TERF1: variants seen among roughly 807,000 people sequenced by gnomAD.
The protein encoded by TERF1 is telomeric repeat-binding factor 1.
Under a neutral mutation model 55.1 loss-of-function variants are expected in TERF1, and 20 were observed. The ratio of observed to expected loss-of-function variants is 0.36; its 90% CI spans 0.26 to 0.53. The LOEUF (loss-of-function observed/expected upper bound fraction) is 0.53, where lower values mean the gene tolerates loss of function less well. Ranked by LOEUF, TERF1 falls within the 20% of genes least tolerant of loss-of-function variation. TERF1 has a pLI of 0.91. For synonymous variants in TERF1, 168 were observed against 181.2 expected (o/e 0.93, Z 0.59); for missense variants, 439 against 535.7 (o/e 0.82, Z 1.78).
At chr8:73,039,333 C>A in intron 9 of TERF1, 114 bp downstream of exon 9, 1 of 667,714 alleles carries the variant, frequency 1.5e-6, no homozygotes, top group Non-Finnish European at 2.4e-6. Context: ...AATATTTGCC[C>A]TTTGCCATCT....
rs1810059794 is a variant in TERF1 at position 73,046,922 on chromosome 8, AACCT to A, written c.*787_*790del. On this transcript the variant is annotated 3_prime_UTR_variant, in exon 10 of 10. Transcript: ENST00000276603. ...TAATAGAATGATAAATGTACAGAGT[AACCT>A]ATAAGCATGACATACTTTTGCTTTC... The A allele has an allele frequency of 1.3e-5, 2 of 152,222 alleles. No homozygotes were observed. Among genetic ancestry groups the A allele is most frequent in the African/African-American group, 4.8e-5 (2 of 41,466 alleles). The allele number at this position is 152,222 out of a possible 1,614,324, so 9.4% of individuals were successfully genotyped here.
chr8:73,039,362 A>G (rs1354007343), intron 9 of TERF1, 143 bp downstream of exon 9: 4 of 573,902 alleles, frequency 7.0e-6, no homozygotes, highest in Non-Finnish European at 1.2e-5. Context: ...GCCGTCTTAG[A>G]TAGGTGACTA....
At position 73,031,761 on chromosome 8, in the gene TERF1, G is replaced by A. The variant is rs56207950; in HGVS notation, c.948-281G>A. 141 of 232,324 alleles carry A rather than the reference G, an allele frequency of 6.1e-4. 1 individual carries two copies. Among genetic ancestry groups the A allele is most frequent in the African/African-American group, 2.6e-3 (117 of 44,518 alleles). 14.4% of individuals were successfully genotyped at this position (232,324 alleles called of 1,614,324 possible). A position where few individuals can be genotyped will look rare whatever the true frequency, so the allele number is the denominator to read the frequency against. ...CCTTGATGTATCTAATTGGAAGGCC[G>A]AAAGAGTCTTGTCTTTTCTTTTTTT... is the stretch of plus-strand genomic sequence containing the variant. On this transcript the variant is annotated intron_variant, in intron 7 of 9. Coordinates refer to ENST00000276603, the MANE Select transcript of TERF1 (RefSeq NM_017489.3).
intron 2 of TERF1, chr8:73,019,026 A>G (rs1046073418): frequency 4.6e-5 from 7 of 152,318 alleles, no homozygotes; most frequent in East Asian, 1.9e-4. Flanking sequence ...CAATTTTTAT[A>G]TATTTGCTGC....
At chr8:73,011,043 A>G (rs1305522656) in intron 1 of TERF1, 1 of 152,248 alleles carries the variant, frequency 6.6e-6, no homozygotes, top group Non-Finnish European at 1.5e-5. Context: ...TTTCTAGAGC[A>G]CAGGCAAAGT....
At chr8:73,028,151 A>G (rs1209011828) in intron 6 of TERF1, among the ~76,000 whole-genome samples, 1 of 152,202 alleles carries the variant, frequency 6.6e-6, no homozygotes, top group Non-Finnish European at 1.5e-5. Flanking sequence ...GCTCATGATA[A>G]TATTGCTAAT....
rs1461598875 is a variant in TERF1, at chr8:73,047,571, A to G, written c.*1434A>G. The G allele has an allele frequency of 6.6e-6, 1 of 152,242 alleles. No homozygotes were observed. Among genetic ancestry groups the G allele is most frequent in the Non-Finnish European group, 1.5e-5 (1 of 68,038 alleles). The allele number at this position is 152,242 out of a possible 1,614,324, so 9.4% of individuals were successfully genotyped here. ...ACAGAATTATTTAGCATTTCGAGTC[A>G]TGTGCTTTATTTAGCAAGTGAGTAA... On this transcript the variant is annotated 3_prime_UTR_variant, in exon 10 of 10. Transcript: ENST00000276603.
At chr8:73,044,615 T>G (rs1285354374) in intron 9 of TERF1, among the ~76,000 whole-genome samples, 1 of 152,136 alleles carries the variant, frequency 6.6e-6, no homozygotes, top group East Asian at 1.9e-4. Context: ...GCATTAAATA[T>G]ATTCATATTG....
intron 8 of TERF1, 74 bp from the exon 9 acceptor site, chr8:73,039,042 A>C: frequency 9.6e-7 from 1 of 1,036,422 alleles, no homozygotes; most frequent in Admixed American, 2.9e-5. Flanking sequence ...ATTTCATTAT[A>C]ATCATTAAAA....
intron 8 of TERF1, among the ~76,000 whole-genome samples, chr8:73,034,436 T>C (rs1411924110): frequency 2.6e-5 from 3 of 115,018 alleles, no homozygotes; most frequent in Non-Finnish European, 6.5e-5. Flanking sequence ...CCCGGCCTTT[T>C]TGTGTTTTTT....
In TERF1 at chr8:73,020,703, T is replaced by G. The variant is rs1332859982; in HGVS notation, c.435T>G (p.Asp145Glu). 5.6e-6 allele frequency: 9 copies of G among 1,600,842 alleles called. No homozygotes were observed. Among genetic ancestry groups the G allele is most frequent in the Non-Finnish European group, 6.8e-6 (8 of 1,175,520 alleles). ...GKTLDAQFEN[D>E]ERITPLESAL... is the part of the protein sequence containing the mutation. The stretch of plus-strand genomic sequence containing the variant: ...TAAAAGATGCACAGTTTGAAAATGA[T>G]GAACGAATTACACCCTTGGAATCAG... The change falls in exon 3 of 10, where the codon GAT (aspartate) becomes GAG (glutamate). Residue 145 changes from aspartate (D) to glutamate (E), a missense_variant. Transcript: ENST00000276603.
chr8:73,032,119 T>G lies in TERF1; in HGVS notation c.1025T>G (p.Val342Gly). 2 of 1,609,964 alleles carry G rather than the reference T, an allele frequency of 1.2e-6. No homozygotes were observed. Among genetic ancestry groups the G allele is most frequent in the Non-Finnish European group, 8.5e-7 (1 of 1,178,192 alleles). The change falls in exon 8 of 10, where the codon GTA (valine) becomes GGA (glycine). Residue 342 changes from valine to glycine, a missense_variant. This residue lies in a region of TERF1 where 140 missense variants were observed against 158.6 expected (regional missense o/e 0.88). Transcript: ENST00000276603. ...QQDLNKKERRVGTPQSTKKKK... is the reference protein window; with the variant it reads ...QQDLNKKERRGGTPQSTKKKK... ...GACCTTAATAAGAAAGAAAGAAGAGTAGGAACTCCTCAAAGTGAGTACTGT... is the reference window on the plus strand; with the variant it reads ...GACCTTAATAAGAAAGAAAGAAGAGGAGGAACTCCTCAAAGTGAGTACTGT...
rs576732094 is a variant in TERF1 at position 73,010,291 on chromosome 8, C to T, written c.319+1086C>T. 2.0e-5 allele frequency: 3 copies of T among 152,286 alleles called. No homozygotes were observed. The East Asian group carries it at 5.8e-4, about 29-fold the overall frequency. The allele number at this position is 152,286 out of a possible 1,614,324, so 9.4% of individuals were successfully genotyped here. The stretch of plus-strand genomic sequence containing the variant: ...GGAGTGTTTCAGCCCCATCCTTTAT[C>T]TTCCAGTTCAAGGATCTTTCCTCTG... On this transcript the variant is annotated intron_variant, in intron 1 of 9. Coordinates refer to ENST00000276603, the MANE Select transcript of TERF1 (RefSeq NM_017489.3).
chr8:73,023,084 A>G (rs548503229), intron 4 of TERF1, among the ~76,000 whole-genome samples: 8 of 152,150 alleles, frequency 5.3e-5, no homozygotes, highest in Middle Eastern at 3.4e-3. Flanking sequence ...AAAAATCTGT[A>G]TGTGTTCAGT....
At chr8:73,023,110 T>C (rs1808840331) in intron 4 of TERF1, among the ~76,000 whole-genome samples, 1 of 152,172 alleles carries the variant, frequency 6.6e-6, no homozygotes, top group African/African-American at 2.4e-5. Context: ...TGTAATTTTT[T>C]CCCCCATACA....
intron 8 of TERF1, among the ~76,000 whole-genome samples, chr8:73,038,490 G>A (rs752444293): frequency 1.3e-5 from 2 of 151,842 alleles, no homozygotes; most frequent in Non-Finnish European, 2.9e-5. Flanking sequence ...AAGAATGTTA[G>A]ATTTTTTTGT....
At chr8:73,035,750 C>T (rs1809481625) in intron 8 of TERF1, among the ~76,000 whole-genome samples, 1 of 152,186 alleles carries the variant, frequency 6.6e-6, no homozygotes, top group Non-Finnish European at 1.5e-5. Context: ...TCCATCAGAG[C>T]TAGTGTGGTT....
chr8:73,012,717 G>C (rs55837645), intron 1 of TERF1: 1 of 265,202 alleles, frequency 3.8e-6, no homozygotes, highest in Non-Finnish European at 7.7e-6. Flanking sequence ...GCTGGGCTGC[G>C]GTAAACTTTC....
intron 6 of TERF1, among the ~76,000 whole-genome samples, chr8:73,027,729 C>A (rs1809077043): frequency 1.3e-5 from 2 of 152,158 alleles, no homozygotes; most frequent in African/African-American, 4.8e-5. Context: ...GCCAGATAAT[C>A]AAATCTCTGT....
Sources: allele counts gnomAD v4.1 joint callset (sites outside exome capture counted in the v4.1 genomes callset), GRCh38; gene constraint gnomAD v4.1.1; regional missense constraint gnomAD v4.1.1; transcripts MANE v1.5; gene names NCBI Gene and HGNC (gene_info 2026-07-23, HGNC 2026-07-21).